The following RAB11FIP3 variants were observed in gnomAD, a reference collection of about 807,000 sequenced individuals.
The protein encoded by RAB11FIP3 is RAB11 family interacting protein 3, also known as rab11 family-interacting protein 3.
Under a neutral mutation model 77.8 loss-of-function variants are expected in RAB11FIP3, and 17 were observed. That is an observed-to-expected ratio of 0.22 (90% CI 0.15 to 0.33). The LOEUF (loss-of-function observed/expected upper bound fraction) is 0.33, where lower values mean the gene tolerates loss of function less well. Ranked by LOEUF, RAB11FIP3 falls within the 10% of genes least tolerant of loss-of-function variation. RAB11FIP3 has a pLI of 1.00. For synonymous variants in RAB11FIP3, 437 were observed against 448.2 expected, an observed-to-expected ratio of 0.98 and a Z score of 0.31; for missense variants, 1,005 against 1,011.2, an observed-to-expected ratio of 0.99 and a Z score of 0.08.
At chr16:437,910 A>G (rs966789078) in intron 1 of RAB11FIP3, among the ~76,000 whole-genome samples, 3 of 152,064 alleles carry the variant, frequency 2.0e-5, no homozygotes, top group Admixed American at 6.6e-5. Flanking sequence ...CCTGGGTTCA[A>G]GTGATTCTCC....
chr16:505,584 C>A lies in RAB11FIP3; in HGVS notation c.1456C>A (p.Gln486Lys). The A allele has an allele frequency of 6.2e-7, 1 of 1,605,924 alleles. No homozygotes were observed. Among genetic ancestry groups the A allele is most frequent in the Non-Finnish European group, 8.5e-7 (1 of 1,179,664 alleles). ...LEKDTAATGE[Q>K]HSRLRQENLQ... ...AAAGGACACGGCAGCCACCGGTGAGCAACACAGCCGCCTGAGGCAGGAGAA... is the reference window on the plus strand; with the variant it reads ...AAAGGACACGGCAGCCACCGGTGAGAAACACAGCCGCCTGAGGCAGGAGAA... Residue 486 changes from glutamine to lysine, a missense_variant, in exon 8 of 14, where the codon CAA becomes AAA. Gln to Lys is a moderately conservative substitution (Grantham distance 53, BLOSUM62 1). Around this residue, in one of 4 missense-constraint regions of RAB11FIP3, gnomAD observed 433 missense variants for 436.1 expected, o/e 0.99. Transcript: ENST00000262305. The surrounding 1 kb of genome is among the most constrained non-coding windows in gnomAD (Gnocchi z 4.0).
intron 6 of RAB11FIP3, among the ~76,000 whole-genome samples, chr16:499,359 G>T (rs1420375642): frequency 6.6e-6 from 1 of 152,236 alleles, no homozygotes; most frequent in Non-Finnish European, 1.5e-5. Context: ...TGACATGAAA[G>T]ACCGGTCAAG....
chr16:469,459 A>G (rs186141885), intron 2 of RAB11FIP3, among the ~76,000 whole-genome samples: 6 of 151,848 alleles, frequency 4.0e-5, no homozygotes, highest in Non-Finnish European at 5.9e-5. Context: ...TAGTGGCATG[A>G]TCTCAGCTCA....
intron 1 of RAB11FIP3, among the ~76,000 whole-genome samples, chr16:456,322 C>T (rs1021923017): frequency 1.3e-5 from 2 of 151,682 alleles, no homozygotes; most frequent in Non-Finnish European, 2.9e-5. Context: ...TGGCGGCACA[C>T]ACAGCTACTT....
At position 471,240 on chromosome 16, in the gene RAB11FIP3, C is replaced by A; in HGVS notation, c.809-55C>A. 6.7e-7 allele frequency: 1 copy of A among 1,498,232 alleles called. No individual in the cohort carries two copies. The highest frequency in any genetic ancestry group is 1.1e-5 in the South Asian group (1 of 87,888). 92.8% of individuals were successfully genotyped at this position (1,498,232 alleles called of 1,614,324 possible). A position where few individuals can be genotyped will look rare whatever the true frequency, so the allele number is the denominator to read the frequency against. On this transcript the variant is annotated intron_variant, in intron 2 of 13. Transcript: ENST00000262305. This position sits in a 1 kb window ranked among gnomAD's most constrained non-coding sequence, Gnocchi z 4.4. ...AGGGAGTCCCGAGGCCGCCAGGGGT[C>A]CCGTCACTGGGTGGCTATGGGTGGC...
chr16:426,459 C>T lies in RAB11FIP3; in HGVS notation c.453C>T (p.Ser151=), dbSNP rs1447335564. 6 of 1,582,760 alleles carry T rather than the reference C, an allele frequency of 3.8e-6. No individual in the cohort carries two copies. The highest frequency in any genetic ancestry group is 1.1e-5 in the South Asian group (1 of 87,144). The change falls in exon 1 of 14, where the codon AGC becomes AGT. Residue 151 remains serine, a synonymous_variant. Coordinates refer to ENST00000262305, the MANE Select transcript of RAB11FIP3 (RefSeq NM_014700.4). This position sits in a 1 kb window ranked among gnomAD's most constrained non-coding sequence, Gnocchi z 5.0. ...TCCGCTTGCAGGGGTCCAGCAGCAG[C>T]CACCGAGCGCGGGGCGAGGTCGACG... ...APFRLQGSSS[S]HRARGEVDVF... is the part of the protein sequence containing the mutation.
chr16:453,928 CTG>C (rs566728156), intron 1 of RAB11FIP3, among the ~76,000 whole-genome samples: 106 of 133,420 alleles, frequency 7.9e-4, no homozygotes, highest in African/African-American at 3.1e-3. Context: ...AACAGAAAAA[CTG>C]AGCTGCCAGT....
rs902200126 is a variant in RAB11FIP3, at chr16:471,849, TG to T, written c.903+463del. Among the ~76,000 whole-genome samples, 29 of 152,304 alleles carry T rather than the reference TG, an allele frequency of 1.9e-4. No individual in the cohort carries two copies. Among genetic ancestry groups the T allele is most frequent in the Admixed American group, 3.3e-4 (5 of 15,296 alleles). Reference sequence around the variant, plus strand: ...GCGTCTCCTGTGTCTCCTGTCACTGTGGGTCCCTTGTTCTCAACATAGCTGG... The same window carrying T: ...GCGTCTCCTGTGTCTCCTGTCACTGTGGTCCCTTGTTCTCAACATAGCTGG... On this transcript the variant is annotated intron_variant, in intron 3 of 13. Coordinates refer to ENST00000262305, the MANE Select transcript of RAB11FIP3 (RefSeq NM_014700.4). This position sits in a 1 kb window ranked among gnomAD's most constrained non-coding sequence, Gnocchi z 4.4.
chr16:503,708 C>T (rs1385993793), intron 7 of RAB11FIP3, among the ~76,000 whole-genome samples: 1 of 152,028 alleles, frequency 6.6e-6, no homozygotes, highest in Non-Finnish European at 1.5e-5. Context: ...AGTGAAAACC[C>T]GTCTCTACTA....
rs1286987971 is a variant in RAB11FIP3 at position 514,717 on chromosome 16, C to T, written c.1640+3917C>T. Among the ~76,000 whole-genome samples, 1 of 152,166 alleles carries T rather than the reference C, an allele frequency of 6.6e-6. No individual in the cohort carries two copies. Among genetic ancestry groups the T allele is most frequent in the Admixed American group, 6.5e-5 (1 of 15,280 alleles). On this transcript the variant is annotated intron_variant, in intron 9 of 13. Transcript: ENST00000262305. This position sits in a 1 kb window ranked among gnomAD's most constrained non-coding sequence, Gnocchi z 4.6. ...GCCAGGTACCTCTGGGAGTGGGGCC[C>T]CCAGGGGCTTCCAGAAAGTATGGGA...
chr16:426,375 C>T lies in RAB11FIP3; in HGVS notation c.369C>T (p.Phe123=), dbSNP rs753081716. 9.5e-6 allele frequency: 15 copies of T among 1,572,612 alleles called. No individual in the cohort carries two copies. In the African/African-American group the frequency reaches 1.6e-4, roughly 17 times the overall value. ...CGCTTCCAGAACTCGACCCGTTGTT[C>T]TCCTGGACTGAGGAGCCCGAGGAGT... ...EAPLPELDPL[F]SWTEEPEECG... The change falls in exon 1 of 14, where the codon TTC becomes TTT. Residue 123 remains phenylalanine (F), a synonymous_variant. Coordinates refer to ENST00000262305, the MANE Select transcript of RAB11FIP3 (RefSeq NM_014700.4). This position sits in a 1 kb window ranked among gnomAD's most constrained non-coding sequence, Gnocchi z 5.0.
intron 1 of RAB11FIP3, among the ~76,000 whole-genome samples, chr16:432,000 G>A (rs1232132459): frequency 6.6e-6 from 1 of 151,894 alleles, no homozygotes; most frequent in Non-Finnish European, 1.5e-5. Context: ...CGCATGATCC[G>A]CCCACCTCGG....
At chr16:511,109 C>T (rs1201752899) in intron 9 of RAB11FIP3, among the ~76,000 whole-genome samples, 2 of 92,188 alleles carry the variant, frequency 2.2e-5, no homozygotes, top group African/African-American at 9.4e-5. Flanking sequence ...AGTTCCCCGA[C>T]GGCCCGCCAA....
intron 2 of RAB11FIP3, among the ~76,000 whole-genome samples, chr16:469,262 G>A (rs999800766): frequency 2.0e-5 from 3 of 152,068 alleles, no homozygotes; most frequent in African/African-American, 7.2e-5. Context: ...TTTTAGTACA[G>A]ACGGGTTTTC....
chr16:494,786 G>A (rs371240046), intron 5 of RAB11FIP3, among the ~76,000 whole-genome samples: 6 of 137,380 alleles, frequency 4.4e-5, no homozygotes, highest in East Asian at 4.2e-4. Context: ...CACATGAGCC[G>A]GGGAGGTCGA....
intron 1 of RAB11FIP3, among the ~76,000 whole-genome samples, chr16:431,147 G>A (rs1275270633): frequency 6.6e-6 from 1 of 152,122 alleles, no homozygotes; most frequent in African/African-American, 2.4e-5. Flanking sequence ...TGAGATGTGT[G>A]GGAGCATGTG....
chr16:433,928 C>T (rs1404788294), intron 1 of RAB11FIP3, among the ~76,000 whole-genome samples: 2 of 151,538 alleles, frequency 1.3e-5, no homozygotes, highest in East Asian at 1.9e-4. Context: ...TGTTGATGGA[C>T]ACTTAGATTG....
intron 3 of RAB11FIP3, among the ~76,000 whole-genome samples, chr16:478,443 G>A (rs1157207588): frequency 2.0e-5 from 3 of 151,860 alleles, no homozygotes; most frequent in East Asian, 3.9e-4. Flanking sequence ...CACCCGCCTC[G>A]GCCTTCCAAA....
intron 9 of RAB11FIP3, among the ~76,000 whole-genome samples, chr16:517,066 A>G (rs2032448494): frequency 6.6e-6 from 1 of 152,160 alleles, no homozygotes. Context: ...TGCGGACGTC[A>G]GGACCCTGAT....
Sources: gnomAD v4.1 joint callset for allele counts (sites outside exome capture counted in the v4.1 genomes callset) on GRCh38, gnomAD v4.1.1 for gene constraint, gnomAD v4.1.1 regional missense constraint, Gnocchi (gnomAD v3.1) non-coding constraint, MANE v1.5 for transcripts, NCBI Gene and HGNC (gene_info 2026-07-23, HGNC 2026-07-21) for gene names.